NCKAP5: variants seen among roughly 807,000 people sequenced by gnomAD.
NCKAP5 encodes the protein NCK associated protein 5, also known as nck-associated protein 5.
Under a neutral mutation model 167.0 loss-of-function variants are expected in NCKAP5, and 92 were observed. The ratio of observed to expected loss-of-function variants is 0.55; its 90% CI spans 0.47 to 0.66. NCKAP5 has a LOEUF of 0.66. Among genes scored for constraint, NCKAP5 ranks in the 30% least tolerant of loss-of-function variants. The probability of loss-of-function intolerance (pLI) is 0.00; values close to 1 mark genes in which losing one functional copy is unlikely to be tolerated. For synonymous variants in NCKAP5, 891 were observed against 877.4 expected (o/e 1.02, Z -0.27); for missense variants, 2,378 against 2,315.0 (o/e 1.03, Z -0.56).
intron 5 of NCKAP5, among the ~76,000 whole-genome samples, chr2:133,178,991 C>T (rs1029596158): frequency 6.6e-6 from 1 of 151,936 alleles, no homozygotes; most frequent in African/African-American, 2.4e-5. Context: ...CATAGGGAGA[C>T]CTTATCTCTA....
At chr2:133,005,431 A>T (rs1216683378) in intron 6 of NCKAP5, among the ~76,000 whole-genome samples, 3 of 152,234 alleles carry the variant, frequency 2.0e-5, no homozygotes, top group African/African-American at 7.2e-5. Context: ...ATTAATACAT[A>T]GTCAATAGTT....
chr2:133,286,521 G>A (rs1287174150), intron 4 of NCKAP5, among the ~76,000 whole-genome samples: 1 of 152,144 alleles, frequency 6.6e-6, no homozygotes, highest in Non-Finnish European at 1.5e-5. Context: ...ATGCAATGCT[G>A]GAATTTTAGG....
At chr2:133,523,479 C>A (rs900917090) in intron 2 of NCKAP5, among the ~76,000 whole-genome samples, 17 of 152,302 alleles carry the variant, frequency 1.1e-4, no homozygotes, top group African/African-American at 3.8e-4. Context: ...CAAAAGGGCT[C>A]TCTTGCTTAG....
At position 132,782,109 on chromosome 2, in the gene NCKAP5, G is replaced by A. The variant is rs1299151887; in HGVS notation, c.4702C>T (p.Leu1568Phe). Residue 1568 changes from leucine (L) to phenylalanine (F), a missense_variant, in exon 14 of 20, where the codon CTT (leucine) becomes TTT (phenylalanine). By Grantham distance (22) the Leu-to-Phe change is conservative. Transcript: ENST00000409261. ...TCTGCTGACTTGGTGTCCTTGATAA[G>A]CTCATTTTCTGTCTCACACTGTAGT... ...PELQCETENE[L>F]IKDTKSADNP... is the part of the protein sequence containing the mutation. 6.2e-7 allele frequency: 1 copy of A among 1,614,042 alleles called. No homozygotes were observed. The highest frequency in any genetic ancestry group is 1.1e-5 in the South Asian group (1 of 91,086).
At chr2:133,665,660 G>A in the NCKAP5 span, among the ~76,000 whole-genome samples, 455 of 152,350 alleles carry the variant, frequency 3.0e-3, 3 homozygotes, top group South Asian at 0.025. Context: ...TTGGGAAAAT[G>A]GCGCTGACAG....
intron 15 of NCKAP5, among the ~76,000 whole-genome samples, chr2:132,777,524 G>A (rs1336674694): frequency 6.6e-6 from 1 of 152,048 alleles, no homozygotes; most frequent in Admixed American, 6.6e-5. Flanking sequence ...CCAACATTTT[G>A]ATGTCAAAGC....
chr2:133,510,631 A>T (rs1170939913), intron 3 of NCKAP5, among the ~76,000 whole-genome samples: 1 of 152,240 alleles, frequency 6.6e-6, no homozygotes, highest in African/African-American at 2.4e-5. Flanking sequence ...GTGGGCACAG[A>T]TACAGCAGAC....
chr2:133,433,945 G>A (rs1690315251), intron 3 of NCKAP5: 2 of 152,190 alleles, frequency 1.3e-5, no homozygotes, highest in African/African-American at 4.8e-5. Context: ...CCTTTAGGAT[G>A]TACAGGAAAC....
chr2:132,757,457 C>A lies in NCKAP5; in HGVS notation c.5128+16359G>T, dbSNP rs182409092. Among the ~76,000 whole-genome samples, 310 of 152,278 alleles carry A rather than the reference C, an allele frequency of 2.0e-3. 1 individual carries two copies. The highest frequency in any genetic ancestry group is 4.8e-3 in the South Asian group (23 of 4,818). ...TACATAGTTTTCCTTTCCCTATATCCCATTTTCTATTTCTCTGGCACATCC... is the reference window on the plus strand; with the variant it reads ...TACATAGTTTTCCTTTCCCTATATCACATTTTCTATTTCTCTGGCACATCC... On this transcript the variant is annotated intron_variant, in intron 16 of 19. Coordinates refer to ENST00000409261, the MANE Select transcript of NCKAP5 (RefSeq NM_207363.3).
intron 3 of NCKAP5, among the ~76,000 whole-genome samples, chr2:133,403,664 G>A (rs762756445): frequency 3.3e-5 from 5 of 152,150 alleles, no homozygotes; most frequent in African/African-American, 9.7e-5. Flanking sequence ...GGCCCTTCCT[G>A]TCACCACCTT....
intron 19 of NCKAP5, among the ~76,000 whole-genome samples, chr2:132,699,159 TG>T (rs1687629671): frequency 6.6e-6 from 1 of 152,028 alleles, no homozygotes; most frequent in Non-Finnish European, 1.5e-5. Flanking sequence ...AGCCGAGTGG[TG>T]GGGACAGCCT....
intron 6 of NCKAP5, among the ~76,000 whole-genome samples, chr2:133,063,591 C>A (rs1304216155): frequency 1.3e-5 from 2 of 152,188 alleles, no homozygotes; most frequent in Non-Finnish European, 2.9e-5. Flanking sequence ...CAAAGAAAAA[C>A]TCATCACATT....
rs10754923 is a variant in NCKAP5, at chr2:132,990,258, G to T, written c.429+3894C>A. Among the ~76,000 whole-genome samples the T allele has an allele frequency of 3.0e-3, 460 of 152,170 alleles. 5 individuals are homozygous for T. The highest frequency in any genetic ancestry group is 0.011 in the African/African-American group (450 of 41,534). The stretch of plus-strand genomic sequence containing the variant: ...TTCCTTTGTGCCCTCAGAATGTGTG[G>T]AAGCTTATATTTTGGCTTCTATTAC... On this transcript the variant is annotated intron_variant, in intron 7 of 19. Coordinates refer to ENST00000409261, the MANE Select transcript of NCKAP5 (RefSeq NM_207363.3).
chr2:133,184,181 A>T (rs4456750), intron 5 of NCKAP5, among the ~76,000 whole-genome samples: 76,069 of 151,774 alleles, frequency 0.5, 19,806 homozygotes, highest in East Asian at 0.81. Flanking sequence ...CTGTACTCAA[A>T]TTTTAACTCC....
intron 5 of NCKAP5, among the ~76,000 whole-genome samples, chr2:133,132,072 G>A (rs1029056044): frequency 3.9e-5 from 6 of 151,954 alleles, no homozygotes; most frequent in Non-Finnish European, 5.9e-5. Context: ...GGTGGATCAC[G>A]AGGTCAGGAG....
chr2:133,126,652 T>C (rs113641074), intron 6 of NCKAP5, among the ~76,000 whole-genome samples: 1,711 of 152,366 alleles, frequency 0.011, 37 homozygotes, highest in African/African-American at 0.039. Context: ...TAAAGTGTTC[T>C]ATGTGATACA....
intron 19 of NCKAP5, among the ~76,000 whole-genome samples, chr2:132,685,109 T>C (rs954886240): frequency 9.2e-5 from 14 of 152,186 alleles, no homozygotes; most frequent in Non-Finnish European, 2.1e-4. Flanking sequence ...CCTTCATCCA[T>C]TTTGGGGACT....
Position 132,783,526 on chromosome 2 carries a change from G to T in NCKAP5, c.3285C>A (p.Ser1095Arg), listed in dbSNP as rs201400019. 4 of 1,613,352 alleles carry T rather than the reference G, an allele frequency of 2.5e-6. No individual in the cohort carries two copies. The highest frequency in any genetic ancestry group is 2.2e-5 in the South Asian group (2 of 91,012). ...AGGAAGGCTTGGGGGGTGTGGAGGC[G>T]CTATCATTCAATTGTCCTTTTCTCC... ...SPGRKGQLND[S>R]ASTPPKPSFL... The change falls in exon 14 of 20, where the codon AGC (serine) becomes AGA (arginine). Residue 1095 changes from serine (S) to arginine (R), a missense_variant. Ser to Arg is a moderately radical substitution (Grantham distance 110). Transcript: ENST00000409261.
rs72991395 is a variant in NCKAP5, at chr2:132,852,514, T to C, written c.807+7978A>G. On this transcript the variant is annotated intron_variant, in intron 11 of 19. Coordinates refer to ENST00000409261, the MANE Select transcript of NCKAP5 (RefSeq NM_207363.3). ...GTTGAAGGTCACAGTGACAGAAATTTCAGCCAGCATGACACTCCTGGAGGT... is the reference window on the plus strand; with the variant it reads ...GTTGAAGGTCACAGTGACAGAAATTCCAGCCAGCATGACACTCCTGGAGGT... 7.5e-3 allele frequency among the ~76,000 whole-genome samples: 1,146 copies of C among 152,316 alleles called. 19 individuals carry two copies. The highest frequency in any genetic ancestry group is 0.026 in the African/African-American group (1,086 of 41,570).
Sources: gnomAD v4.1 joint callset for allele counts (sites outside exome capture counted in the v4.1 genomes callset) on GRCh38, gnomAD v4.1.1 for gene constraint, MANE v1.5 for transcripts, NCBI Gene and HGNC (gene_info 2026-07-23, HGNC 2026-07-21) for gene names.